Variants in GFOD1 observed in about 807,000 individuals in gnomAD.
GFOD1 encodes Gfo/Idh/MocA-like oxidoreductase domain containing 1.
In GFOD1, 9 loss-of-function variants were observed where a neutral mutation model predicts 25.4. The ratio of observed to expected loss-of-function variants is 0.35; its 90% CI spans 0.21 to 0.62. The LOEUF (loss-of-function observed/expected upper bound fraction) is 0.62. GFOD1 is among the 20% of genes least tolerant of loss of function. The pLI is 0.72. For missense variants in GFOD1, 403 were observed against 556.9 expected, an observed-to-expected ratio of 0.72 and a Z score of 2.78; for synonymous variants, 253 against 245.6, an observed-to-expected ratio of 1.03 and a Z score of -0.28.
At chr6:13,473,105 A>G (rs1453262072) in intron 1 of GFOD1, among the ~76,000 whole-genome samples, 1 of 152,194 alleles carries the variant, frequency 6.6e-6, no homozygotes, top group Admixed American at 6.5e-5. Context: ...ACCATGAAAG[A>G]TGGGAGAGGC....
intron 1 of GFOD1, among the ~76,000 whole-genome samples, chr6:13,422,272 TA>T (rs1786273257): frequency 6.6e-6 from 1 of 151,924 alleles, no homozygotes; most frequent in South Asian, 2.1e-4. Context: ...CCAAGTGGAG[TA>T]AAAGAACCCT....
chr6:13,397,627 A>G (rs1246196913), intron 1 of GFOD1, among the ~76,000 whole-genome samples: 1 of 152,192 alleles, frequency 6.6e-6, no homozygotes, highest in Admixed American at 6.5e-5. Context: ...ACCTGCTTCC[A>G]CTTTAGAAGC....
At chr6:13,432,152 C>T in intron 1 of GFOD1, among the ~76,000 whole-genome samples, 1 of 152,054 alleles carries the variant, frequency 6.6e-6, no homozygotes, top group East Asian at 1.9e-4. Context: ...CAAGTCCATT[C>T]AGAAACAGAA....
chr6:13,459,913 C>A (rs1758263254), intron 1 of GFOD1, among the ~76,000 whole-genome samples: 1 of 152,154 alleles, frequency 6.6e-6, no homozygotes, highest in Non-Finnish European at 1.5e-5. Flanking sequence ...GTGGGCAGAT[C>A]ACCTGAAGTC....
At chr6:13,383,992 C>T (rs1194905416) in intron 1 of GFOD1, among the ~76,000 whole-genome samples, 5 of 152,102 alleles carry the variant, frequency 3.3e-5, no homozygotes, top group African/African-American at 9.7e-5. Flanking sequence ...TTTGGGAGGC[C>T]GAGGCAGGTG....
At chr6:13,423,162 AG>A (rs1464324390) in intron 1 of GFOD1, among the ~76,000 whole-genome samples, 1 of 150,664 alleles carries the variant, frequency 6.6e-6, no homozygotes, top group African/African-American at 2.5e-5. Flanking sequence ...AAAGACAATA[AG>A]GGAATGAAAC....
chr6:13,418,501 G>C (rs1357101593), intron 1 of GFOD1, among the ~76,000 whole-genome samples: 23 of 152,126 alleles, frequency 1.5e-4, no homozygotes. Context: ...TCCTTTAATG[G>C]AATGAATCAA....
intron 1 of GFOD1, among the ~76,000 whole-genome samples, chr6:13,401,959 AT>A (rs1229965212): frequency 7.9e-5 from 12 of 152,382 alleles, no homozygotes; most frequent in African/African-American, 2.2e-4. Flanking sequence ...TACAGTAATC[AT>A]GATGGTGTAC....
chr6:13,424,935 T>C (rs886759574), intron 1 of GFOD1, among the ~76,000 whole-genome samples: 8 of 151,606 alleles, frequency 5.3e-5, no homozygotes, highest in Non-Finnish European at 7.4e-5. Flanking sequence ...GAGGGCTTTA[T>C]ATATATTAAC....
intron 1 of GFOD1, among the ~76,000 whole-genome samples, chr6:13,393,216 C>T (rs924765239): frequency 2.0e-5 from 3 of 151,650 alleles, no homozygotes; most frequent in Admixed American, 1.3e-4. Context: ...ATTAGCTGGG[C>T]GTGCTAGTGC....
chr6:13,457,330 C>A (rs114430406), intron 1 of GFOD1, among the ~76,000 whole-genome samples: 78 of 152,304 alleles, frequency 5.1e-4, no homozygotes, highest in African/African-American at 1.8e-3. Context: ...ATAACAGGCA[C>A]TCAATAAACA....
intron 1 of GFOD1, among the ~76,000 whole-genome samples, chr6:13,485,302 T>TTAA (rs1239997510): frequency 6.6e-6 from 1 of 152,250 alleles, no homozygotes; most frequent in African/African-American, 2.4e-5. Flanking sequence ...AACACACGTA[T>TTAA]ATTTCACCTA....
intron 1 of GFOD1, among the ~76,000 whole-genome samples, chr6:13,483,774 G>A (rs1352463985): frequency 6.6e-6 from 1 of 152,180 alleles, no homozygotes; most frequent in Non-Finnish European, 1.5e-5. Context: ...AGGAAGAAAT[G>A]ACTCCGGGGG....
chr6:13,396,571 T>G (rs747572086), intron 1 of GFOD1, among the ~76,000 whole-genome samples: 4 of 152,046 alleles, frequency 2.6e-5, no homozygotes, highest in Non-Finnish European at 5.9e-5. Context: ...AAAAGAGACT[T>G]TGTAGGTGGG....
rs983986577 is a variant in GFOD1, at chr6:13,486,762, G to A, written c.129C>T (p.Ala43=). 1 of 1,614,114 alleles carries A rather than the reference G, an allele frequency of 6.2e-7. No homozygotes were observed. The highest frequency in any genetic ancestry group is 1.1e-5 in the South Asian group (1 of 91,076). ...GRTQEEAEEL[A]KEMSVPFYTS... is the part of the protein sequence containing the mutation. ...TGTAGAAGGGGACACTCATCTCCTT[G>A]GCCAGCTCCTCCGCTTCTTCCTGCG... The change falls in exon 1 of 2, where the codon GCC becomes GCT. Residue 43 remains alanine (A), a synonymous_variant. Transcript: ENST00000379287.
chr6:13,360,910 T>C lies in GFOD1; in HGVS notation c.*3833A>G, dbSNP rs1784937423. 1 of 454,176 alleles carries C rather than the reference T, an allele frequency of 2.2e-6. No individual in the cohort carries two copies. The highest frequency in any genetic ancestry group is 2.4e-5 in the Admixed American group (1 of 42,442). 28.1% of individuals were successfully genotyped at this position (454,176 alleles called of 1,614,324 possible). On this transcript the variant is annotated 3_prime_UTR_variant, in exon 2 of 2. Transcript: ENST00000379287. ...GGCAGTGTGGTCTGGAGGAGAAGAT[T>C]AAGGATTTGAATGACCTCATTTCTG...
chr6:13,451,407 G>A (rs1341776321), intron 1 of GFOD1, among the ~76,000 whole-genome samples: 1 of 152,196 alleles, frequency 6.6e-6, no homozygotes, highest in African/African-American at 2.4e-5. Flanking sequence ...GGCCTGGTGA[G>A]GTCAGGGAGC....
intron 1 of GFOD1, among the ~76,000 whole-genome samples, chr6:13,432,847 C>T (rs1011237956): frequency 6.6e-6 from 1 of 152,192 alleles, no homozygotes; most frequent in Non-Finnish European, 1.5e-5. Context: ...ACTGTAACTG[C>T]ATATCCCACC....
chr6:13,439,758 T>A (rs963144066), intron 1 of GFOD1, among the ~76,000 whole-genome samples: 2 of 152,168 alleles, frequency 1.3e-5, no homozygotes, highest in Admixed American at 1.3e-4. Context: ...GCTATGAAAC[T>A]TTTCAAGTCT....
Sources: gnomAD v4.1 joint callset for allele counts (sites outside exome capture counted in the v4.1 genomes callset) on GRCh38, gnomAD v4.1.1 for gene constraint, MANE v1.5 for transcripts, NCBI Gene and HGNC (gene_info 2026-07-23, HGNC 2026-07-21) for gene names.